The following PEBP1 variants were observed in gnomAD, a reference collection of about 807,000 sequenced individuals.
The protein encoded by PEBP1 is phosphatidylethanolamine binding protein 1.
Under a neutral mutation model 22.7 loss-of-function variants are expected in PEBP1, and 17 were observed. The ratio of observed to expected loss-of-function variants is 0.75; its 90% CI spans 0.51 to 1.12. The LOEUF (loss-of-function observed/expected upper bound fraction) is 1.12, where lower values mean the gene tolerates loss of function less well. PEBP1 is among the 50% of genes most tolerant of loss of function. The pLI is 0.00. For synonymous variants in PEBP1, 106 were observed against 104.3 expected (o/e 1.02, Z -0.10); for missense variants, 205 against 243.5 (o/e 0.84, Z 1.05).
At chr12:118,139,322 A>G in intron 2 of PEBP1, 129 bp from the exon 3 acceptor site, 1 of 634,642 alleles carries the variant, frequency 1.6e-6, no homozygotes, top group South Asian at 1.6e-5. Flanking sequence ...AAAAAAAAAA[A>G]AAAAAGAAAG....
chr12:118,143,916 A>C (rs955140172), intron 3 of PEBP1, among the ~76,000 whole-genome samples: 2 of 151,786 alleles, frequency 1.3e-5, no homozygotes, highest in Non-Finnish European at 2.9e-5. Flanking sequence ...AAAAAAAAAA[A>C]AAAAACCCAC....
intron 3 of PEBP1, among the ~76,000 whole-genome samples, chr12:118,142,173 TC>T (rs142682603): frequency 6.7e-6 from 1 of 149,230 alleles, no homozygotes; most frequent in Non-Finnish European, 1.5e-5. Flanking sequence ...TGCCATGCAT[TC>T]TTTTTTTTTT....
At chr12:118,140,683 T>C (rs1413508740) in intron 3 of PEBP1, among the ~76,000 whole-genome samples, 4 of 151,806 alleles carry the variant, frequency 2.6e-5, no homozygotes. Context: ...GGACTACAGG[T>C]GTCCGCCACC....
chr12:118,139,302 ACT>A, intron 2 of PEBP1, 147 bp from the exon 3 acceptor site: 1 of 534,796 alleles, frequency 1.9e-6, no homozygotes, highest in Non-Finnish European at 3.4e-6. Context: ...ACAGAGTGAG[ACT>A]CTGTCTCAAA....
intron 3 of PEBP1, among the ~76,000 whole-genome samples, chr12:118,142,532 A>G (rs1275163650): frequency 6.6e-6 from 1 of 151,670 alleles, no homozygotes; most frequent in Non-Finnish European, 1.5e-5. Context: ...GCTGGAGTGC[A>G]GTGGTGTGAT....
intron 3 of PEBP1, among the ~76,000 whole-genome samples, chr12:118,143,380 G>A (rs892334261): frequency 2.0e-5 from 3 of 152,176 alleles, no homozygotes; most frequent in Admixed American, 2.0e-4. Flanking sequence ...GTTCTCTGGT[G>A]TAGCATGTGT....
intron 3 of PEBP1, among the ~76,000 whole-genome samples, chr12:118,144,353 G>A (rs944958634): frequency 6.6e-6 from 1 of 152,056 alleles, no homozygotes; most frequent in Non-Finnish European, 1.5e-5. Context: ...GTTACAGCAG[G>A]GGCCTAACAC....
chr12:118,136,388 G>T lies in PEBP1; in HGVS notation c.135+44G>T. The T allele has an allele frequency of 6.6e-7, 1 of 1,511,452 alleles. No homozygotes were observed. Among genetic ancestry groups the T allele is most frequent in the Admixed American group, 2.1e-5 (1 of 48,104 alleles). 93.6% of individuals were successfully genotyped at this position (1,511,452 alleles called of 1,614,324 possible). A position where few individuals can be genotyped will look rare whatever the true frequency, so the allele number is the denominator to read the frequency against. ...GTGCAGCGAGCGGCACGGCGCGGAG[G>T]CCTGTGCCGGCCTCCTGGGTGGGAC... On this transcript the variant is annotated intron_variant, in intron 1 of 3. Transcript: ENST00000261313. The surrounding 1 kb of genome is among the most constrained non-coding windows in gnomAD (Gnocchi z 5.6).
chr12:118,142,514 T>G (rs1272555571), intron 3 of PEBP1, among the ~76,000 whole-genome samples: 3 of 151,650 alleles, frequency 2.0e-5, no homozygotes, highest in Non-Finnish European at 4.4e-5. Context: ...CTTAACTCTT[T>G]TTTTGAGGCT....
At chr12:118,142,114 C>T (rs1283164752) in intron 3 of PEBP1, among the ~76,000 whole-genome samples, 1 of 150,676 alleles carries the variant, frequency 6.6e-6, no homozygotes, top group Non-Finnish European at 1.5e-5. Flanking sequence ...CCGTACAATT[C>T]TATGAGATAC....
chr12:118,142,043 C>T (rs1215724927), intron 3 of PEBP1, among the ~76,000 whole-genome samples: 1 of 152,056 alleles, frequency 6.6e-6, no homozygotes, highest in Non-Finnish European at 1.5e-5. Flanking sequence ...ACATGCTACA[C>T]CAGGATGAAC....
chr12:118,142,392 C>T (rs774247357), intron 3 of PEBP1, among the ~76,000 whole-genome samples: 1 of 151,820 alleles, frequency 6.6e-6, no homozygotes, highest in Non-Finnish European at 1.5e-5. Flanking sequence ...AGGGTTTCTC[C>T]ATGTTGGGCA....
chr12:118,144,873 A>T lies in PEBP1; in HGVS notation c.*70A>T. The stretch of plus-strand genomic sequence containing the variant: ...TGTTCCCCAGTTCAGTGTTGCATGT[A>T]TAATAGATTTCTCCTCTTCCTGCCC... On this transcript the variant is annotated 3_prime_UTR_variant, in exon 4 of 4. Coordinates refer to ENST00000261313, the MANE Select transcript of PEBP1 (RefSeq NM_002567.4). 6.2e-7 allele frequency: 1 copy of T among 1,607,360 alleles called. No individual in the cohort carries two copies. Among genetic ancestry groups the T allele is most frequent in the Non-Finnish European group, 8.5e-7 (1 of 1,179,498 alleles).
chr12:118,138,014 A>C, intron 1 of PEBP1, 25 bp from the exon 2 acceptor site: 8 of 1,536,872 alleles, frequency 5.2e-6, no homozygotes, highest in Non-Finnish European at 7.2e-6. Flanking sequence ...TGACTTTTTT[A>C]CTGCAAACTG....
rs1463314330 is a variant in PEBP1, at chr12:118,144,697, C to T, written c.458C>T (p.Ser153Phe). Residue 153 changes from serine to phenylalanine, a missense_variant, in exon 4 of 4, where the codon TCC becomes TTC. By Grantham distance (155) the Ser-to-Phe change is radical. Transcript: ENST00000261313. ...GDHRGKFKVA[S>F]FRKKYELRAP... ...CACCGTGGCAAATTCAAGGTGGCGT[C>T]CTTCCGTAAAAAGTATGAGCTCAGG... The T allele has an allele frequency of 6.2e-7, 1 of 1,614,144 alleles. No homozygotes were observed. The highest frequency in any genetic ancestry group is 1.7e-5 in the Admixed American group (1 of 60,002).
At position 118,139,434 on chromosome 12, in the gene PEBP1, C is replaced by T. The variant is rs373702158; in HGVS notation, c.246-17C>T. ...CTGATCTCCTGTGGTGCTGACATCC[C>T]GTGTTTCTTCATGCAGAGAATGGCA... On this transcript the variant is annotated splice_polypyrimidine_tract_variant and intron_variant, in intron 2 of 3. Coordinates refer to ENST00000261313, the MANE Select transcript of PEBP1 (RefSeq NM_002567.4). 8.2e-6 allele frequency: 13 copies of T among 1,578,632 alleles called. No individual in the cohort carries two copies. The highest frequency in any genetic ancestry group is 1.3e-5 in the African/African-American group (1 of 74,182).
At chr12:118,140,639 T>C (rs2034106025) in intron 3 of PEBP1, among the ~76,000 whole-genome samples, 1 of 151,784 alleles carries the variant, frequency 6.6e-6, no homozygotes, top group African/African-American at 2.4e-5. Flanking sequence ...CCCCGGTTCA[T>C]GCCATTCTCC....
chr12:118,140,154 C>T (rs1010589762), intron 3 of PEBP1, among the ~76,000 whole-genome samples: 5 of 152,170 alleles, frequency 3.3e-5, no homozygotes, highest in Admixed American at 6.5e-5. Context: ...GAAAGCCCAC[C>T]GTATTGAAAC....
rs1566198283 is a variant in PEBP1 at position 118,136,412 on chromosome 12, A to T, written c.135+68A>T. The T allele has an allele frequency of 4.7e-6, 7 of 1,477,590 alleles. No homozygotes were observed. In the East Asian group the frequency reaches 1.8e-4, roughly 38 times the overall value. The allele number at this position is 1,477,590 out of a possible 1,614,324, so 91.5% of individuals were successfully genotyped here. A position where few individuals can be genotyped will look rare whatever the true frequency, so the allele number is the denominator to read the frequency against. ...GGCCTGTGCCGGCCTCCTGGGTGGG[A>T]CCCAGCGGAGACAGGGCCAGGGGCG... On this transcript the variant is annotated intron_variant, in intron 1 of 3. Coordinates refer to ENST00000261313, the MANE Select transcript of PEBP1 (RefSeq NM_002567.4). The surrounding 1 kb of genome is among the most constrained non-coding windows in gnomAD (Gnocchi z 5.6).
Sources: gnomAD v4.1 joint callset for allele counts (sites outside exome capture counted in the v4.1 genomes callset) on GRCh38, gnomAD v4.1.1 for gene constraint, Gnocchi (gnomAD v3.1) non-coding constraint, MANE v1.5 for transcripts, NCBI Gene and HGNC (gene_info 2026-07-23, HGNC 2026-07-21) for gene names.